Variants in DRG2 observed in about 807,000 individuals in gnomAD.
DRG2 encodes developmentally-regulated GTP-binding protein 2.
In DRG2, 36 loss-of-function variants were observed where a neutral mutation model predicts 53.4. That is an observed-to-expected ratio of 0.67 (90% CI 0.52 to 0.89). The LOEUF (loss-of-function observed/expected upper bound fraction) is 0.89, where lower values mean the gene tolerates loss of function less well. DRG2 is among the 40% of genes least tolerant of loss of function. The pLI is 0.00. For synonymous variants in DRG2, 167 were observed against 192.1 expected (o/e 0.87, Z 1.08); for missense variants, 342 against 481.2 (o/e 0.71, Z 2.71).
intron 9 of DRG2, among the ~76,000 whole-genome samples, chr17:18,102,599 C>A (rs1347498746): frequency 1.6e-5 from 2 of 122,222 alleles, no homozygotes; most frequent in African/African-American, 6.5e-5. Context: ...CCAGCCTGGG[C>A]GACAGAGCAA....
Position 18,101,576 on chromosome 17 carries a change from A to T in DRG2, c.715A>T (p.Met239Leu), listed in dbSNP as rs768188297. ...TGTGATCGTGGGCAACCGGGTGTAC[A>T]TGCCCTGCCTGTATGTAAGTGCAGG... The part of the protein sequence containing the change: ...IDVIVGNRVY[M>L]PCLYVYNKID... Residue 239 changes from methionine (M) to leucine (L), a missense_variant, in exon 8 of 13, where the codon ATG becomes TTG. Coordinates refer to ENST00000225729, the MANE Select transcript of DRG2 (RefSeq NM_001388.5). 5 of 1,614,028 alleles carry T rather than the reference A, an allele frequency of 3.1e-6. No homozygotes were observed. The South Asian group carries it at 5.5e-5, about 18-fold the overall frequency.
Position 18,100,587 on chromosome 17 carries a change from A to G in DRG2, c.559A>G (p.Ile187Val), listed in dbSNP as rs2142197964. ...IYFKPKKGGG[I>V]SFNSTVTLTQ... ...CTTTCAGCCCAAGAAAGGTGGTGGC[A>G]TCTCCTTTAACTCGACAGTCACGCT... Residue 187 changes from isoleucine to valine, a missense_variant, in exon 7 of 13, where the codon ATC becomes GTC. Transcript: ENST00000225729. The surrounding 1 kb of genome is among the most constrained non-coding windows in gnomAD (Gnocchi z 4.1). 6.2e-7 allele frequency: 1 copy of G among 1,614,220 alleles called. No homozygotes were observed.
chr17:18,107,579 GTGC>G lies in DRG2; in HGVS notation c.*340_*342del, dbSNP rs1272103713. The G allele has an allele frequency of 3.3e-6, 1 of 305,472 alleles. No individual in the cohort carries two copies. The highest frequency in any genetic ancestry group is 6.3e-6 in the Non-Finnish European group (1 of 158,902). The allele number at this position is 305,472 out of a possible 1,614,324, so 18.9% of individuals were successfully genotyped here. A position where few individuals can be genotyped will look rare whatever the true frequency, so the allele number is the denominator to read the frequency against. On this transcript the variant is annotated 3_prime_UTR_variant, in exon 13 of 13. Transcript: ENST00000225729. ...GGGCCTAAAGCAGATGGCATGCTCA[GTGC>G]CAGGCTGGTAGCTGGGCCTGTTTGG...
Position 18,094,974 on chromosome 17 carries a change from CAAAAAAAAAAAAA to C in DRG2, c.225+1018_225+1030del, listed in dbSNP as rs1165321853. 2.2e-3 allele frequency among the ~76,000 whole-genome samples: 56 copies of C among 25,322 alleles called. 2 individuals are homozygous for C. The highest frequency in any genetic ancestry group is 1.3e-3 in the African/African-American group (12 of 9,032). 16.6% of individuals were successfully genotyped at this position (25,322 alleles called of 152,430 possible). A position where few individuals can be genotyped will look rare whatever the true frequency, so the allele number is the denominator to read the frequency against. ...GGGCAACAAGAGCAAAACTCCATCT[CAAAAAAAAAAAAA>C]AAAAAAAAAAAAAAAAGAAGGTTTC... is the stretch of plus-strand genomic sequence containing the variant. On this transcript the variant is annotated intron_variant, in intron 2 of 12. Coordinates refer to ENST00000225729, the MANE Select transcript of DRG2 (RefSeq NM_001388.5).
rs541197546 is a variant in DRG2 at position 18,099,757 on chromosome 17, G to A, written c.467+34G>A. On this transcript the variant is annotated intron_variant, in intron 5 of 12. Transcript: ENST00000225729. The surrounding 1 kb of genome is among the most constrained non-coding windows in gnomAD (Gnocchi z 4.4). The stretch of plus-strand genomic sequence containing the variant: ...GGTGGGGCATGGGGCAGGCTCACAT[G>A]TCTGGGGAGGGCCAATGTGTCCCTG... 3.8e-6 allele frequency: 6 copies of A among 1,571,182 alleles called. No homozygotes were observed. The East Asian group carries it at 9.3e-5, about 24-fold the overall frequency.
intron 1 of DRG2, among the ~76,000 whole-genome samples, chr17:18,088,433 C>G (rs1047212330): frequency 1.3e-5 from 2 of 152,206 alleles, no homozygotes; most frequent in Admixed American, 1.3e-4. Flanking sequence ...TGGGTCTACT[C>G]TGTTGTTTTG....
Position 18,098,188 on chromosome 17 carries a change from C to T in DRG2, c.226-82C>T, listed in dbSNP as rs1225974229. ...AGAGGGTCTCCTCCTGCTGCCTGCA[C>T]CTGCAGGCCCCCAGCCCCTGGGGCC... On this transcript the variant is annotated intron_variant, in intron 2 of 12. Coordinates refer to ENST00000225729, the MANE Select transcript of DRG2 (RefSeq NM_001388.5). This position sits in a 1 kb window ranked among gnomAD's most constrained non-coding sequence, Gnocchi z 4.1. 9.3e-6 allele frequency: 11 copies of T among 1,184,412 alleles called. No homozygotes were observed. Among genetic ancestry groups the T allele is most frequent in the South Asian group, 1.3e-5 (1 of 79,870 alleles). 73.4% of individuals were successfully genotyped at this position (1,184,412 alleles called of 1,614,324 possible).
Position 18,103,498 on chromosome 17 carries a change from GC to G in DRG2, c.807-298del, listed in dbSNP as rs1002052549. Among the ~76,000 whole-genome samples the G allele has an allele frequency of 3.3e-5, 5 of 152,256 alleles. No individual in the cohort carries two copies. The highest frequency in any genetic ancestry group is 6.8e-3 in the Middle Eastern group (2 of 294). On this transcript the variant is annotated intron_variant, in intron 9 of 12. Coordinates refer to ENST00000225729, the MANE Select transcript of DRG2 (RefSeq NM_001388.5). This position sits in a 1 kb window ranked among gnomAD's most constrained non-coding sequence, Gnocchi z 4.4. ...AGCCTTTGCCCATGGTCCCGTCACA[GC>G]CCCCGGCCATCTCGCCATGGCAGCC...
rs1567602922 is a variant in DRG2 at position 18,099,452 on chromosome 17, A to G, written c.377-181A>G. On this transcript the variant is annotated intron_variant, in intron 4 of 12. Transcript: ENST00000225729. The surrounding 1 kb of genome is among the most constrained non-coding windows in gnomAD (Gnocchi z 4.4). ...ACTCCTTTTATGATGGTGGTGTCGG[A>G]TTTTCTTCTGAAATAAGTCTCCGTC... 2.9e-6 allele frequency: 2 copies of G among 690,348 alleles called. No homozygotes were observed. The highest frequency in any genetic ancestry group is 5.1e-6 in the Non-Finnish European group (2 of 394,062). 42.8% of individuals were successfully genotyped at this position (690,348 alleles called of 1,614,324 possible). A position where few individuals can be genotyped will look rare whatever the true frequency, so the allele number is the denominator to read the frequency against.
In DRG2 at chr17:18,088,371, GAGGCGGA is replaced by G. The variant is rs562641814; in HGVS notation, c.64+285_64+291del. Among the ~76,000 whole-genome samples the G allele has an allele frequency of 1.7e-4, 26 of 152,382 alleles. No individual in the cohort carries two copies. The South Asian group carries it at 4.8e-3, about 28-fold the overall frequency. On this transcript the variant is annotated intron_variant, in intron 1 of 12. Coordinates refer to ENST00000225729, the MANE Select transcript of DRG2 (RefSeq NM_001388.5). ...ACAGAGCAAGCATCTGACCCAGAGAGAGGCGGAGCTGGGGTTCAAACCTCAGTCTCCT... is the reference window on the plus strand; with the variant it reads ...ACAGAGCAAGCATCTGACCCAGAGAGGCTGGGGTTCAAACCTCAGTCTCCT...
chr17:18,093,011 G>A (rs1370265483), intron 1 of DRG2, among the ~76,000 whole-genome samples: 1 of 152,212 alleles, frequency 6.6e-6, no homozygotes, highest in East Asian at 1.9e-4. Flanking sequence ...AATGTCCTGT[G>A]TTTATATGTA....
intron 11 of DRG2, among the ~76,000 whole-genome samples, chr17:18,104,884 G>A (rs1347382173): frequency 6.6e-6 from 1 of 152,188 alleles, no homozygotes; most frequent in Middle Eastern, 3.2e-3. Flanking sequence ...GACCTCTACT[G>A]TGAGGGGGGT....
chr17:18,093,820 G>A lies in DRG2; in HGVS notation c.72G>A (p.Glu24=). 6.2e-7 allele frequency: 1 copy of A among 1,613,912 alleles called. No homozygotes were observed. The highest frequency in any genetic ancestry group is 8.5e-7 in the Non-Finnish European group (1 of 1,179,888). Residue 24 remains glutamate (E), a synonymous_variant, in exon 2 of 13, where the codon GAG becomes GAA. Coordinates refer to ENST00000225729, the MANE Select transcript of DRG2 (RefSeq NM_001388.5). ...TTGCTTTCCATCCTTTAGCCACTGAGTATCATCTGGGCCTGCTGAAAGCTA... is the reference window on the plus strand; with the variant it reads ...TTGCTTTCCATCCTTTAGCCACTGAATATCATCTGGGCCTGCTGAAAGCTA... ...IARTQKNKAT[E]YHLGLLKAKL...
chr17:18,093,854 A>G lies in DRG2; in HGVS notation c.106A>G (p.Lys36Glu). The G allele has an allele frequency of 1.2e-6, 2 of 1,614,154 alleles. No individual in the cohort carries two copies. Among genetic ancestry groups the G allele is most frequent in the Non-Finnish European group, 1.7e-6 (2 of 1,180,022 alleles). ...HLGLLKAKLA[K>E]YRAQLLEPSK... is the part of the protein sequence containing the mutation. ...GGGCCTGCTGAAAGCTAAGCTCGCC[A>G]AGTATCGGGCCCAGCTCCTGGAACC... The change falls in exon 2 of 13, where the codon AAG (lysine) becomes GAG (glutamate). Residue 36 changes from lysine (K) to glutamate (E), a missense_variant. Physicochemically the swap from Lys to Glu is moderately conservative, Grantham distance 56. Coordinates refer to ENST00000225729, the MANE Select transcript of DRG2 (RefSeq NM_001388.5).
In DRG2 at chr17:18,098,390, A is replaced by AG. The variant is rs759907236; in HGVS notation, c.315+35dup. ...TGGGTGTGCTGGGCCCAGAAGGAGA[A>AG]GGGGCGCATGCTTGTGTTTGGACTT... On this transcript the variant is annotated intron_variant, in intron 3 of 12. Coordinates refer to ENST00000225729, the MANE Select transcript of DRG2 (RefSeq NM_001388.5). The surrounding 1 kb of genome is among the most constrained non-coding windows in gnomAD (Gnocchi z 4.1). 3 of 1,594,844 alleles carry AG rather than the reference A, an allele frequency of 1.9e-6. No individual in the cohort carries two copies. Among genetic ancestry groups the AG allele is most frequent in the South Asian group, 2.2e-5 (2 of 90,622 alleles).
chr17:18,104,011 T>G, intron 10 of DRG2, 122 bp downstream of exon 10: 1 of 904,788 alleles, frequency 1.1e-6, no homozygotes, highest in Non-Finnish European at 1.7e-6. Context: ...TAGACACACC[T>G]CAGCTCTTTT....
chr17:18,100,713 C>T lies in DRG2; in HGVS notation c.631+54C>T, dbSNP rs1310833975. On this transcript the variant is annotated intron_variant, in intron 7 of 12. Transcript: ENST00000225729. The surrounding 1 kb of genome is among the most constrained non-coding windows in gnomAD (Gnocchi z 4.1). Reference sequence around the variant, plus strand: ...AGGGCAGCCACCACCGTCAGCGCAGCGGGGGGACTGACTAAGACAGGAGGC... The same window carrying T: ...AGGGCAGCCACCACCGTCAGCGCAGTGGGGGGACTGACTAAGACAGGAGGC... 21 of 1,538,088 alleles carry T rather than the reference C, an allele frequency of 1.4e-5. No individual in the cohort carries two copies. Among genetic ancestry groups the T allele is most frequent in the Non-Finnish European group, 1.7e-5 (19 of 1,131,768 alleles).
chr17:18,098,456 C>T lies in DRG2; in HGVS notation c.315+97C>T. ...CTGTGTGTGAGTCTGGGTGGATGTC[C>T]CCATGTCAGGACAGGCTCTGGACTG... is the stretch of plus-strand genomic sequence containing the variant. On this transcript the variant is annotated intron_variant, in intron 3 of 12. Transcript: ENST00000225729. The surrounding 1 kb of genome is among the most constrained non-coding windows in gnomAD (Gnocchi z 4.1). 9.0e-7 allele frequency: 1 copy of T among 1,112,018 alleles called. No homozygotes were observed. The highest frequency in any genetic ancestry group is 1.4e-6 in the Non-Finnish European group (1 of 733,310). The allele number at this position is 1,112,018 out of a possible 1,614,324, so 68.9% of individuals were successfully genotyped here. A position where few individuals can be genotyped will look rare whatever the true frequency, so the allele number is the denominator to read the frequency against.
chr17:18,100,230 C>T lies in DRG2; in HGVS notation c.468-133C>T. On this transcript the variant is annotated intron_variant, in intron 5 of 12. Transcript: ENST00000225729. This position sits in a 1 kb window ranked among gnomAD's most constrained non-coding sequence, Gnocchi z 4.1. The stretch of plus-strand genomic sequence containing the variant: ...CTCTAGGGCATTGGGAAGGAGTGTT[C>T]TCTGGGTTGCTGGGGAAGGGGGTGG... The T allele has an allele frequency of 1.1e-6, 1 of 899,564 alleles. No homozygotes were observed. Among genetic ancestry groups the T allele is most frequent in the Non-Finnish European group, 1.8e-6 (1 of 547,846 alleles). The allele number at this position is 899,564 out of a possible 1,614,324, so 55.7% of individuals were successfully genotyped here.
Sources: allele counts gnomAD v4.1 joint callset (sites outside exome capture counted in the v4.1 genomes callset), GRCh38; gene constraint gnomAD v4.1.1; non-coding constraint Gnocchi (gnomAD v3.1); transcripts MANE v1.5; gene names NCBI Gene and HGNC (gene_info 2026-07-23, HGNC 2026-07-21).